SFXN5: variants seen among roughly 807,000 people sequenced by gnomAD.
SFXN5 encodes the protein sideroflexin-5.
A neutral mutation model predicts 50.2 loss-of-function variants in SFXN5; 43 were observed. That is an observed-to-expected ratio of 0.86 (90% CI 0.67 to 1.11). The LOEUF (loss-of-function observed/expected upper bound fraction) is 1.11, where lower values mean the gene tolerates loss of function less well. SFXN5 is among the 50% of genes least tolerant of loss of function. The pLI, the probability that SFXN5 is intolerant of heterozygous loss-of-function variation, is 0.00. For missense variants in SFXN5, 463 were observed against 454.1 expected (o/e 1.02, Z -0.18); for synonymous variants, 203 against 185.8 (o/e 1.09, Z -0.75).
At chr2:73,046,501 T>C (rs926466698) in intron 2 of SFXN5, among the ~76,000 whole-genome samples, 1 of 151,784 alleles carries the variant, frequency 6.6e-6, no homozygotes, top group African/African-American at 2.4e-5. Flanking sequence ...AAAAGTCTAA[T>C]GGGATGGTTA....
intron 8 of SFXN5, among the ~76,000 whole-genome samples, chr2:72,999,784 G>A (rs1673679088): frequency 6.6e-6 from 1 of 152,098 alleles, no homozygotes; most frequent in African/African-American, 2.4e-5. Context: ...CAAACTGACA[G>A]GCCCCCAAAG....
chr2:73,051,734 A>G (rs1428391953), intron 2 of SFXN5, among the ~76,000 whole-genome samples: 1 of 152,190 alleles, frequency 6.6e-6, no homozygotes, highest in Non-Finnish European at 1.5e-5. Flanking sequence ...AAAGAACAGA[A>G]ATTTATTTCT....
intron 11 of SFXN5, among the ~76,000 whole-genome samples, chr2:72,970,770 T>G (rs1488533363): frequency 1.3e-5 from 2 of 151,772 alleles, no homozygotes; most frequent in Non-Finnish European, 2.9e-5. Flanking sequence ...TCACTGCAAC[T>G]TCTACCCCCC....
chr2:73,039,090 G>A (rs1340113710), intron 3 of SFXN5, among the ~76,000 whole-genome samples: 2 of 152,118 alleles, frequency 1.3e-5, no homozygotes, highest in Admixed American at 6.5e-5. Flanking sequence ...ACTATGCCCG[G>A]CTAATTTTTG....
At chr2:72,978,441 C>G (rs192414120) in intron 10 of SFXN5, among the ~76,000 whole-genome samples, 1 of 151,962 alleles carries the variant, frequency 6.6e-6, no homozygotes, top group African/African-American at 2.4e-5. Context: ...CACCACCATG[C>G]CCAGCTAATT....
intron 12 of SFXN5, among the ~76,000 whole-genome samples, chr2:72,964,919 G>A (rs955561483): frequency 2.0e-5 from 3 of 152,328 alleles, no homozygotes; most frequent in East Asian, 1.9e-4. Flanking sequence ...ACTTGCCATG[G>A]ATACGGAAGG....
At chr2:72,969,912 C>T (rs962845137) in intron 11 of SFXN5, among the ~76,000 whole-genome samples, 1 of 152,048 alleles carries the variant, frequency 6.6e-6, no homozygotes, top group African/African-American at 2.4e-5. Flanking sequence ...CTTGCCAGAA[C>T]ACAGCTCAGT....
intron 6 of SFXN5, among the ~76,000 whole-genome samples, chr2:73,002,757 C>T (rs1674070032): frequency 6.6e-6 from 1 of 152,124 alleles, no homozygotes. Context: ...TCCATAGCTC[C>T]AACGAGGAAT....
intron 9 of SFXN5, among the ~76,000 whole-genome samples, chr2:72,990,273 G>A (rs1015970244): frequency 2.6e-5 from 4 of 152,186 alleles, no homozygotes; most frequent in Non-Finnish European, 4.4e-5. Flanking sequence ...CTCCCAGCTC[G>A]CTCGAGGGAA....
intron 10 of SFXN5, among the ~76,000 whole-genome samples, chr2:72,971,956 G>A (rs1670065052): frequency 6.6e-6 from 1 of 152,214 alleles, no homozygotes; most frequent in African/African-American, 2.4e-5. Context: ...ACTTACCGAG[G>A]GGCTGCTTTC....
intron 2 of SFXN5, chr2:73,053,558 A>C (rs908992821): frequency 2.0e-5 from 3 of 152,246 alleles, no homozygotes; most frequent in African/African-American, 7.2e-5. Context: ...CTTCCTAAGA[A>C]AAATTACAGT....
intron 6 of SFXN5, among the ~76,000 whole-genome samples, chr2:73,004,820 G>A (rs564796833): frequency 1.3e-5 from 2 of 152,180 alleles, no homozygotes; most frequent in African/African-American, 2.4e-5. Context: ...TAGGCAAAAC[G>A]CAGCACCATC....
intron 1 of SFXN5, 114 bp from the exon 2 acceptor site, chr2:73,058,710 C>T (rs1682462675): frequency 1.1e-6 from 1 of 903,486 alleles, no homozygotes; most frequent in Non-Finnish European, 1.7e-6. Context: ...CAGGACTCCT[C>T]GTGTGGGTGA....
At chr2:72,972,145 G>A (rs921264305) in intron 10 of SFXN5, among the ~76,000 whole-genome samples, 9 of 152,338 alleles carry the variant, frequency 5.9e-5, no homozygotes, top group Non-Finnish European at 1.2e-4. Context: ...CTGTCTCTGA[G>A]CAAATCAAGT....
intron 6 of SFXN5, among the ~76,000 whole-genome samples, chr2:73,009,905 G>A (rs1311958169): frequency 6.6e-6 from 1 of 152,174 alleles, no homozygotes; most frequent in East Asian, 1.9e-4. Context: ...GTGAATGGAA[G>A]ACAGTGCTGG....
Position 72,995,905 on chromosome 2 carries a change from C to T in SFXN5, c.534+3044G>A, listed in dbSNP as rs538647871. On this transcript the variant is annotated intron_variant, in intron 9 of 13. Transcript: ENST00000272433. ...CTCCACTCCATCTGCCGGAGTTAGACGCTCACTGTGTGAAGACGTCAGGCG... is the reference window on the plus strand; with the variant it reads ...CTCCACTCCATCTGCCGGAGTTAGATGCTCACTGTGTGAAGACGTCAGGCG... Among the ~76,000 whole-genome samples the T allele has an allele frequency of 3.3e-5, 5 of 152,346 alleles. No homozygotes were observed. The South Asian group carries it at 6.2e-4, about 19-fold the overall frequency.
At chr2:73,013,621 A>C (rs1338844611) in intron 6 of SFXN5, among the ~76,000 whole-genome samples, 1 of 152,146 alleles carries the variant, frequency 6.6e-6, no homozygotes, top group South Asian at 2.1e-4. Flanking sequence ...AGAACAATGT[A>C]GTAGTTTCAG....
At chr2:72,965,473 G>A (rs573680197) in intron 12 of SFXN5, among the ~76,000 whole-genome samples, 2 of 152,298 alleles carry the variant, frequency 1.3e-5, no homozygotes, top group East Asian at 3.9e-4. Flanking sequence ...TAAGGCAGGG[G>A]TCTAACTGAG....
chr2:73,040,930 C>A lies in SFXN5; in HGVS notation c.173G>T (p.Arg58Ile), dbSNP rs1162634648. The change falls in exon 3 of 14, where the codon AGA (arginine) becomes ATA (isoleucine). Residue 58 changes from arginine (R) to isoleucine (I), a missense_variant and splice_region_variant. Arg to Ile is a moderately conservative substitution (Grantham distance 97). Coordinates refer to ENST00000272433, the MANE Select transcript of SFXN5 (RefSeq NM_144579.3). ...CAGCTGCACAGCCTCTCTGAGACGT[C>A]TCTGCAGAAGAAAGAAAAGAGACAT... ...IDPRTLFVTE[R>I]RLREAVQLLE... The A allele has an allele frequency of 6.2e-7, 1 of 1,612,292 alleles. No individual in the cohort carries two copies. Among genetic ancestry groups the A allele is most frequent in the Non-Finnish European group, 8.5e-7 (1 of 1,179,626 alleles).
Sources: allele counts gnomAD v4.1 joint callset (sites outside exome capture counted in the v4.1 genomes callset), GRCh38; gene constraint gnomAD v4.1.1; transcripts MANE v1.5; gene names NCBI Gene and HGNC (gene_info 2026-07-23, HGNC 2026-07-21).